The following GRM7 variants were observed in gnomAD, a reference collection of about 807,000 sequenced individuals.
GRM7 encodes the protein glutamate metabotropic receptor 7, also known as metabotropic glutamate receptor 7.
GRM7 carries 35 observed loss-of-function variants against 84.5 expected under a neutral mutation model. That is an observed-to-expected ratio of 0.41 (90% CI 0.32 to 0.55). The LOEUF (loss-of-function observed/expected upper bound fraction) is 0.55. Ranked by LOEUF, GRM7 falls within the 20% of genes least tolerant of loss-of-function variation. The pLI, the probability that GRM7 is intolerant of heterozygous loss-of-function variation, is 0.19. For synonymous variants in GRM7, 487 were observed against 455.1 expected, an observed-to-expected ratio of 1.07 and a Z score of -0.89; for missense variants, 1,003 against 1,194.6, an observed-to-expected ratio of 0.84 and a Z score of 2.36.
chr3:7,547,933 A>G (rs999139804), intron 7 of GRM7, among the ~76,000 whole-genome samples: 1 of 152,210 alleles, frequency 6.6e-6, no homozygotes, highest in Non-Finnish European at 1.5e-5. Context: ...TGTTTGGAAC[A>G]GAGAGAGGAC....
chr3:7,200,779 G>A (rs918981878), intron 2 of GRM7, among the ~76,000 whole-genome samples: 2 of 152,072 alleles, frequency 1.3e-5, no homozygotes, highest in Non-Finnish European at 2.9e-5. Context: ...AATGCACATA[G>A]AAATGCATCT....
rs149924310 is a variant in GRM7 at position 7,291,031 on chromosome 3, T to C, written c.737-7653T>C. ...TTCCACTCTGTCTCCCTCTCTCACCTAACAATCTTGTCCACAAATCCATGC... is the reference window on the plus strand; with the variant it reads ...TTCCACTCTGTCTCCCTCTCTCACCCAACAATCTTGTCCACAAATCCATGC... On this transcript the variant is annotated intron_variant, in intron 2 of 9. Coordinates refer to ENST00000357716, the MANE Select transcript of GRM7 (RefSeq NM_000844.4). Among the ~76,000 whole-genome samples the C allele has an allele frequency of 2.8e-4, 43 of 152,230 alleles. 1 individual carries two copies. The highest frequency in any genetic ancestry group is 9.6e-4 in the African/African-American group (40 of 41,546).
At chr3:7,201,369 G>T (rs76867994) in intron 2 of GRM7, among the ~76,000 whole-genome samples, 1 of 152,046 alleles carries the variant, frequency 6.6e-6, no homozygotes, top group Non-Finnish European at 1.5e-5. Context: ...AATAGTGGAA[G>T]ATAGTTTTAT....
chr3:7,086,051 T>A (rs202198900), intron 1 of GRM7, among the ~76,000 whole-genome samples: 1 of 40,546 alleles, frequency 2.5e-5, no homozygotes, highest in Non-Finnish European at 4.2e-5. Flanking sequence ...GCAAAAATTA[T>A]TTTTTTTTGA....
chr3:7,664,842 T>C (rs535326785), intron 8 of GRM7, among the ~76,000 whole-genome samples: 3 of 150,518 alleles, frequency 2.0e-5, no homozygotes, highest in African/African-American at 7.4e-5. Flanking sequence ...AGCTCCTCCC[T>C]CCTGCTTTAT....
At chr3:6,949,894 T>A (rs1692657845) in intron 1 of GRM7, among the ~76,000 whole-genome samples, 1 of 152,264 alleles carries the variant, frequency 6.6e-6, no homozygotes, top group Non-Finnish European at 1.5e-5. Context: ...TGTGCCGTGC[T>A]TTTCAGCTCC....
At chr3:7,240,314 C>A (rs1228026257) in intron 2 of GRM7, among the ~76,000 whole-genome samples, 1 of 150,244 alleles carries the variant, frequency 6.7e-6, no homozygotes, top group Non-Finnish European at 1.5e-5. Flanking sequence ...TAGTGAGGGG[C>A]CAAAGGACAT....
rs1559514566 is a variant in GRM7 at position 7,229,741 on chromosome 3, ATATATATATATATATATATTT to A, written c.737-68941_737-68921del. On this transcript the variant is annotated intron_variant, in intron 2 of 9. Coordinates refer to ENST00000357716, the MANE Select transcript of GRM7 (RefSeq NM_000844.4). ...TAGACACACACATATATATATATATATATATATATATATATATATTTTTTTTTTTTTTTGGTTGACAGGTGT... is the reference window on the plus strand; with the variant it reads ...TAGACACACACATATATATATATATATTTTTTTTTTTTGGTTGACAGGTGT... 8.4e-4 allele frequency among the ~76,000 whole-genome samples: 32 copies of A among 38,074 alleles called. 4 individuals are homozygous for A. Among genetic ancestry groups the A allele is most frequent in the South Asian group, 6.7e-3 (7 of 1,040 alleles). The allele number at this position is 38,074 out of a possible 152,430, so 25.0% of individuals were successfully genotyped here. A position where few individuals can be genotyped will look rare whatever the true frequency, so the allele number is the denominator to read the frequency against.
chr3:7,103,798 C>CTTTG (rs1559443522), intron 1 of GRM7, among the ~76,000 whole-genome samples: 1 of 111,544 alleles, frequency 9.0e-6, no homozygotes, highest in Admixed American at 8.6e-5. Context: ...TTCTTTCTTT[C>CTTTG]TTTCTTTCTT....
chr3:7,343,012 C>T (rs1692714080), intron 4 of GRM7, among the ~76,000 whole-genome samples: 1 of 152,120 alleles, frequency 6.6e-6, no homozygotes, highest in African/African-American at 2.4e-5. Flanking sequence ...TTAGAAGCTT[C>T]ACCCAAAAAT....
intron 1 of GRM7, among the ~76,000 whole-genome samples, chr3:7,091,099 C>T (rs1025475606): frequency 6.6e-6 from 1 of 151,220 alleles, no homozygotes; most frequent in Non-Finnish European, 1.5e-5. Context: ...TTCAAATTTG[C>T]ATTTTGTACA....
intron 5 of GRM7, 22 bp downstream of exon 5, chr3:7,415,185 T>C (rs747806603): frequency 6.2e-7 from 1 of 1,605,234 alleles, no homozygotes; most frequent in Admixed American, 1.7e-5. Context: ...CTCGTTGTCC[T>C]TCTCCTATTA....
chr3:6,877,547 C>A (rs1441287963), intron 1 of GRM7, among the ~76,000 whole-genome samples: 2 of 152,248 alleles, frequency 1.3e-5, no homozygotes, highest in African/African-American at 2.4e-5. Flanking sequence ...TATGGATAAG[C>A]TTTTAACAGT....
At chr3:7,334,603 C>T (rs2125070138) in intron 4 of GRM7, among the ~76,000 whole-genome samples, 1 of 152,214 alleles carries the variant, frequency 6.6e-6, no homozygotes, top group South Asian at 2.1e-4. Flanking sequence ...CCTAAATGCT[C>T]CACTTAAAAG....
At chr3:7,413,672 C>T (rs1046102545) in intron 4 of GRM7, among the ~76,000 whole-genome samples, 4 of 152,096 alleles carry the variant, frequency 2.6e-5, no homozygotes, top group Admixed American at 6.5e-5. Flanking sequence ...TTCTACCTGT[C>T]GAACCACCCA....
chr3:7,435,544 C>T (rs1008527916), intron 5 of GRM7, among the ~76,000 whole-genome samples: 2 of 152,040 alleles, frequency 1.3e-5, no homozygotes, highest in African/African-American at 4.8e-5. Flanking sequence ...TGGAGTTTCA[C>T]TCTTGTCACC....
chr3:7,588,184 C>T (rs978570684), intron 8 of GRM7, among the ~76,000 whole-genome samples: 9 of 152,208 alleles, frequency 5.9e-5, no homozygotes, highest in Middle Eastern at 3.4e-3. Context: ...ATTCTTAGCA[C>T]GTTACCACAA....
At chr3:7,201,450 T>G (rs376066538) in intron 2 of GRM7, among the ~76,000 whole-genome samples, 3 of 152,144 alleles carry the variant, frequency 2.0e-5, no homozygotes, top group Admixed American at 6.5e-5. Context: ...AAAAGTGCTG[T>G]TTTCTTCCTG....
At chr3:7,423,513 C>T (rs1393440505) in intron 5 of GRM7, among the ~76,000 whole-genome samples, 1 of 152,096 alleles carries the variant, frequency 6.6e-6, no homozygotes, top group African/African-American at 2.4e-5. Flanking sequence ...TATTATAAAT[C>T]GGATGCTTAG....
Sources: allele counts gnomAD v4.1 joint callset (sites outside exome capture counted in the v4.1 genomes callset), GRCh38; gene constraint gnomAD v4.1.1; transcripts MANE v1.5; gene names NCBI Gene and HGNC (gene_info 2026-07-23, HGNC 2026-07-21).